The following PDE3B variants were observed in gnomAD, a reference collection of about 807,000 sequenced individuals.
PDE3B encodes cGMP-inhibited 3',5'-cyclic phosphodiesterase 3B.
PDE3B carries 66 observed loss-of-function variants against 116.8 expected under a neutral mutation model. That is an observed-to-expected ratio of 0.56 (90% CI 0.46 to 0.69). PDE3B has a LOEUF of 0.69. PDE3B is among the 30% of genes least tolerant of loss of function. The pLI, the probability that PDE3B is intolerant of heterozygous loss-of-function variation, is 0.00. For synonymous variants in PDE3B, 595 were observed against 533.6 expected (o/e 1.12, Z -1.59); for missense variants, 1,384 against 1,368.1 (o/e 1.01, Z -0.18).
chr11:14,865,218 A>G (rs1848022254), intron 14 of PDE3B, among the ~76,000 whole-genome samples: 1 of 152,232 alleles, frequency 6.6e-6, no homozygotes, highest in Non-Finnish European at 1.5e-5. Flanking sequence ...TGGCATTAAA[A>G]TAATCTTTCC....
At chr11:14,730,020 G>A (rs1856413016) in intron 1 of PDE3B, among the ~76,000 whole-genome samples, 1 of 152,130 alleles carries the variant, frequency 6.6e-6, no homozygotes. Context: ...GCAGCAAATA[G>A]GACCACAACC....
At position 14,665,039 on chromosome 11, in the gene PDE3B, T is replaced by C. The variant is rs565100449; in HGVS notation, c.978+19986T>C. 1.9e-3 allele frequency among the ~76,000 whole-genome samples: 295 copies of C among 152,278 alleles called. 1 individual carries two copies. The highest frequency in any genetic ancestry group is 6.5e-3 in the African/African-American group (271 of 41,542). ...CTCAATAAAATACTGGCAATCCGAA[T>C]CCAGCAGCACATCAAAAAGCTTATC... On this transcript the variant is annotated intron_variant, in intron 1 of 15. Coordinates refer to ENST00000282096, the MANE Select transcript of PDE3B (RefSeq NM_000922.4).
intron 2 of PDE3B, among the ~76,000 whole-genome samples, chr11:14,784,252 AAG>A (rs2133913644): frequency 6.6e-6 from 1 of 152,360 alleles, no homozygotes; most frequent in East Asian, 1.9e-4. Flanking sequence ...AACAGGAAGG[AAG>A]AAAGAACAAT....
At chr11:14,849,454 A>C (rs1009395812) in intron 12 of PDE3B, among the ~76,000 whole-genome samples, 21 of 152,250 alleles carry the variant, frequency 1.4e-4, no homozygotes, top group Non-Finnish European at 2.4e-4. Flanking sequence ...AAAACACCAG[A>C]AGCAATGGCA....
chr11:14,697,154 C>T (rs1292115865), intron 1 of PDE3B, among the ~76,000 whole-genome samples: 12 of 152,038 alleles, frequency 7.9e-5, no homozygotes, highest in Admixed American at 7.2e-4. Flanking sequence ...CCCAGCCTGG[C>T]CTCACACTCC....
chr11:14,658,443 G>A lies in PDE3B; in HGVS notation c.978+13390G>A, dbSNP rs373130568. 1.1e-4 allele frequency among the ~76,000 whole-genome samples: 17 copies of A among 151,730 alleles called. No individual in the cohort carries two copies. The East Asian group carries it at 1.5e-3, about 14-fold the overall frequency. On this transcript the variant is annotated intron_variant, in intron 1 of 15. Coordinates refer to ENST00000282096, the MANE Select transcript of PDE3B (RefSeq NM_000922.4). The stretch of plus-strand genomic sequence containing the variant: ...ACTATCTCGGCTCACTGCAACCTCC[G>A]TCTCCTGGGTTCAAGGATTCTCCTG...
At chr11:14,751,396 C>G (rs1432686229) in intron 1 of PDE3B, among the ~76,000 whole-genome samples, 1 of 152,112 alleles carries the variant, frequency 6.6e-6, no homozygotes. Flanking sequence ...CCTAATTTCT[C>G]TGATACGCCA....
chr11:14,717,720 T>G (rs1168045175), intron 1 of PDE3B, among the ~76,000 whole-genome samples: 1 of 134,714 alleles, frequency 7.4e-6, no homozygotes, highest in African/African-American at 2.8e-5. Context: ...AAGCAAATGC[T>G]GAGAGATTTT....
At chr11:14,891,962 G>A in the PDE3B span, 1 of 1,610,388 alleles carries the variant, frequency 6.2e-7, no homozygotes, top group Non-Finnish European at 8.5e-7. Context: ...TCCCTGCCCG[G>A]GGCCCGTCGG....
intron 2 of PDE3B, chr11:14,773,023 G>A (rs1857689850): frequency 6.6e-6 from 1 of 151,908 alleles, no homozygotes; most frequent in Non-Finnish European, 1.5e-5. Context: ...AGTGGTATGA[G>A]TAGGCAGCCT....
chr11:14,650,559 A>G (rs1853544724), intron 1 of PDE3B, among the ~76,000 whole-genome samples: 1 of 152,176 alleles, frequency 6.6e-6, no homozygotes. Flanking sequence ...ATCCAGGATT[A>G]TCTGAGTGGG....
intron 1 of PDE3B, among the ~76,000 whole-genome samples, chr11:14,662,010 G>A (rs989815699): frequency 6.6e-6 from 1 of 152,148 alleles, no homozygotes; most frequent in Admixed American, 6.6e-5. Context: ...CTCCTCAAGT[G>A]GGTCCCTGAC....
chr11:14,741,407 G>A (rs1174492028), intron 1 of PDE3B, among the ~76,000 whole-genome samples: 1 of 152,038 alleles, frequency 6.6e-6, no homozygotes, highest in Non-Finnish European at 1.5e-5. Flanking sequence ...CGTTTTATCA[G>A]AGACTAGGAT....
chr11:14,692,269 A>G (rs974996884), intron 1 of PDE3B, among the ~76,000 whole-genome samples: 1 of 152,134 alleles, frequency 6.6e-6, no homozygotes, highest in South Asian at 2.1e-4. Context: ...GCAAGACCCT[A>G]TCTCTAAAAA....
Position 14,867,554 on chromosome 11 carries a change from C to G in PDE3B, c.2935C>G (p.Arg979Gly), listed in dbSNP as rs781878816. ...LGLPISPFMD[R>G]SSPQLAKLQE... ...TCTGCCCATCAGTCCATTCATGGAT[C>G]GTTCTTCTCCTCAACTAGCAAAACT... The change falls in exon 15 of 16, where the codon CGT becomes GGT. Residue 979 changes from arginine to glycine, a missense_variant. Transcript: ENST00000282096. The G allele has an allele frequency of 6.2e-7, 1 of 1,613,750 alleles. No individual in the cohort carries two copies. The highest frequency in any genetic ancestry group is 1.1e-5 in the South Asian group (1 of 91,068).
intron 1 of PDE3B, among the ~76,000 whole-genome samples, chr11:14,663,135 G>T (rs1443123845): frequency 6.6e-6 from 1 of 152,190 alleles, no homozygotes; most frequent in Non-Finnish European, 1.5e-5. Flanking sequence ...CAAGCCAGAA[G>T]AGAGTGGGGG....
At chr11:14,863,827 C>G (rs1337653343) in intron 14 of PDE3B, among the ~76,000 whole-genome samples, 2 of 152,166 alleles carry the variant, frequency 1.3e-5, no homozygotes, top group African/African-American at 4.8e-5. Context: ...AAAGGAAAAA[C>G]CGATAACAGC....
At position 14,867,627 on chromosome 11, in the gene PDE3B, A is replaced by T; in HGVS notation, c.3008A>T (p.Tyr1003Phe). 1 of 1,614,124 alleles carries T rather than the reference A, an allele frequency of 6.2e-7. No homozygotes were observed. Among genetic ancestry groups the T allele is most frequent in the Non-Finnish European group, 8.5e-7 (1 of 1,180,014 alleles). The change falls in exon 15 of 16, where the codon TAT becomes TTT. Residue 1003 changes from tyrosine to phenylalanine, a missense_variant. By Grantham distance (22) the Tyr-to-Phe change is conservative. This residue lies in a region of PDE3B where 428 missense variants were observed against 561.4 expected (regional missense o/e 0.76). Transcript: ENST00000282096. ...THIVGPLCNS[Y>F]DAAGLLPGQW... The stretch of plus-strand genomic sequence containing the variant: ...ATAGTGGGTCCCCTGTGTAACTCCT[A>T]TGATGCTGCTGGTTTGCTACCAGGT...
chr11:14,860,380 T>G (rs10832311), intron 13 of PDE3B, among the ~76,000 whole-genome samples: 54,104 of 151,904 alleles, frequency 0.36, 11,003 homozygotes, highest in Admixed American at 0.46. Flanking sequence ...TATATATTTT[T>G]TTTTTTCTGA....
Sources: gnomAD v4.1 joint callset for allele counts (sites outside exome capture counted in the v4.1 genomes callset) on GRCh38, gnomAD v4.1.1 for gene constraint, gnomAD v4.1.1 regional missense constraint, MANE v1.5 for transcripts, NCBI Gene and HGNC (gene_info 2026-07-23, HGNC 2026-07-21) for gene names.